The following HEG1 variants were observed in gnomAD, a reference collection of about 807,000 sequenced individuals.
HEG1 encodes heart development protein with EGF like domains 1.
HEG1 carries 56 observed loss-of-function variants against 125.6 expected under a neutral mutation model. The ratio of observed to expected loss-of-function variants is 0.45; its 90% CI spans 0.36 to 0.56. The LOEUF is 0.56. Ranked by LOEUF, HEG1 falls within the 20% of genes least tolerant of loss-of-function variation. The pLI, the probability that HEG1 is intolerant of heterozygous loss-of-function variation, is 0.00. For synonymous variants in HEG1, 644 were observed against 668.5 expected, an observed-to-expected ratio of 0.96 and a Z score of 0.57; for missense variants, 1,523 against 1,670.0, an observed-to-expected ratio of 0.91 and a Z score of 1.53.
In HEG1 at chr3:124,966,990, G is replaced by A. The variant is rs899637909; in HGVS notation, c.*3662C>T. ...TCCAAAGATGCTGCCTTCTCCCTTG[G>A]GCCCACTTTAAGAGTTACCTCTTTA... On this transcript the variant is annotated 3_prime_UTR_variant, in exon 17 of 17. Coordinates refer to ENST00000311127, the MANE Select transcript of HEG1 (RefSeq NM_020733.2). 11 of 152,118 alleles carry A rather than the reference G, an allele frequency of 7.2e-5. No homozygotes were observed. The highest frequency in any genetic ancestry group is 1.0e-4 in the Non-Finnish European group (7 of 68,034). 9.4% of individuals were successfully genotyped at this position (152,118 alleles called of 1,614,324 possible).
chr3:124,978,960 T>G (rs970515650), intron 14 of HEG1, among the ~76,000 whole-genome samples: 2 of 151,738 alleles, frequency 1.3e-5, no homozygotes, highest in East Asian at 3.8e-4. Context: ...TTTTTTCTTT[T>G]TTTTTCCGAG....
At chr3:125,006,325 C>T (rs139912411) in intron 8 of HEG1, among the ~76,000 whole-genome samples, 4 of 152,282 alleles carry the variant, frequency 2.6e-5, no homozygotes, top group African/African-American at 9.6e-5. Context: ...GCTGATTGAG[C>T]CTGAGGGGAA....
chr3:125,014,225 G>A (rs1001571696), intron 5 of HEG1, among the ~76,000 whole-genome samples: 2 of 152,100 alleles, frequency 1.3e-5, no homozygotes, highest in East Asian at 1.9e-4. Context: ...CAGTGGTAGC[G>A]GCAGTGGAAA....
intron 5 of HEG1, among the ~76,000 whole-genome samples, chr3:125,017,141 A>G (rs11925177): frequency 0.67 from 102,048 of 151,756 alleles, 34,850 homozygotes; most frequent in East Asian, 0.92. Flanking sequence ...TGCAACCTCC[A>G]CCTCACAGGT....
intron 1 of HEG1, among the ~76,000 whole-genome samples, chr3:125,033,103 A>G (rs1937515529): frequency 6.6e-6 from 1 of 152,258 alleles, no homozygotes; most frequent in African/African-American, 2.4e-5. Flanking sequence ...GTCCTGCAGT[A>G]TCCTCCATAA....
chr3:124,978,134 GT>G (rs1376314284), intron 14 of HEG1, among the ~76,000 whole-genome samples, 188 bp from the exon 15 acceptor site: 1 of 152,088 alleles, frequency 6.6e-6, no homozygotes, highest in South Asian at 2.1e-4. Flanking sequence ...ATTGAGAAGA[GT>G]TTTTTGTTGT....
chr3:125,000,938 C>G (rs1936990605), intron 11 of HEG1, among the ~76,000 whole-genome samples: 1 of 152,180 alleles, frequency 6.6e-6, no homozygotes, highest in Non-Finnish European at 1.5e-5. Flanking sequence ...GGGACAAGCC[C>G]CCTTTGCAAA....
chr3:125,013,594 G>GAGGAGGAGGAGGAAGAGA lies in HEG1; in HGVS notation c.1984_1985insTCTCTTCCTCCTCCTCCT (p.Ser661_Ser662insPheSerSerSerSerSer), dbSNP rs1176657143. ...AGAAGAAGAGGAGGAGGAGGAAGAG[G>GAGGAGGAGGAGGAAGAGA]AGGAGGAGGAGTCACTAACAAACTC... On this transcript the variant is annotated inframe_insertion, in exon 6 of 17. Coordinates refer to ENST00000311127, the MANE Select transcript of HEG1 (RefSeq NM_020733.2). 2 of 1,598,774 alleles carry GAGGAGGAGGAGGAAGAGA rather than the reference G, an allele frequency of 1.3e-6. No homozygotes were observed. The highest frequency in any genetic ancestry group is 3.5e-5 in the Admixed American group (2 of 56,412).
At chr3:125,003,477 C>T (rs530750759) in intron 9 of HEG1, among the ~76,000 whole-genome samples, 2 of 152,340 alleles carry the variant, frequency 1.3e-5, no homozygotes, top group Non-Finnish European at 2.9e-5. Flanking sequence ...AAGAATTTAA[C>T]CTTGGCCCCA....
intron 5 of HEG1, among the ~76,000 whole-genome samples, chr3:125,016,305 A>G (rs1045403431): frequency 5.3e-5 from 8 of 152,216 alleles, no homozygotes; most frequent in African/African-American, 1.9e-4. Flanking sequence ...ACTCTGAGGG[A>G]AAAAGATAAA....
intron 1 of HEG1, among the ~76,000 whole-genome samples, chr3:125,047,895 CTCT>C (rs1331752595): frequency 6.6e-6 from 1 of 152,216 alleles, no homozygotes; most frequent in Non-Finnish European, 1.5e-5. Context: ...GGCCTCTGCC[CTCT>C]TCTTGTCACT....
At chr3:125,040,065 A>T (rs1241676179) in intron 1 of HEG1, among the ~76,000 whole-genome samples, 1 of 152,218 alleles carries the variant, frequency 6.6e-6, no homozygotes, top group Non-Finnish European at 1.5e-5. Flanking sequence ...ATTTTTACGC[A>T]TAACGAAAAG....
intron 1 of HEG1, among the ~76,000 whole-genome samples, chr3:125,031,489 G>A (rs1027672108): frequency 3.9e-5 from 6 of 152,114 alleles, no homozygotes; most frequent in Admixed American, 1.3e-4. Flanking sequence ...TCCCCACTTG[G>A]AAATGTTATT....
chr3:125,043,513 C>T (rs950072739), intron 1 of HEG1, among the ~76,000 whole-genome samples: 10 of 152,060 alleles, frequency 6.6e-5, no homozygotes, highest in African/African-American at 2.4e-4. Context: ...AGGCTTTCTG[C>T]AGGGAGGAAA....
intron 15 of HEG1, 143 bp from the exon 16 acceptor site, chr3:124,974,048 T>C: frequency 1.6e-6 from 1 of 608,874 alleles, no homozygotes; most frequent in South Asian, 2.3e-5. Context: ...AGTATTATTA[T>C]TGTTGTTATT....
intron 11 of HEG1, among the ~76,000 whole-genome samples, chr3:125,000,168 G>A (rs1936981124): frequency 6.6e-6 from 1 of 152,176 alleles, no homozygotes; most frequent in Non-Finnish European, 1.5e-5. Context: ...GTTCTCACGG[G>A]CTCTGAAAGG....
chr3:125,019,660 A>C, intron 4 of HEG1, 63 bp from the exon 5 acceptor site: 1 of 1,315,014 alleles, frequency 7.6e-7, no homozygotes, highest in Non-Finnish European at 1.1e-6. Flanking sequence ...CTTGGCAACT[A>C]AGAAGTGAGA....
At chr3:125,020,492 G>T (rs1255655286) in intron 4 of HEG1, among the ~76,000 whole-genome samples, 2 of 152,092 alleles carry the variant, frequency 1.3e-5, no homozygotes, top group East Asian at 3.9e-4. Context: ...AGAGTGAAAA[G>T]AAGATGGAAC....
chr3:125,022,659 AAAC>A (rs1937352211), intron 3 of HEG1, among the ~76,000 whole-genome samples: 1 of 151,272 alleles, frequency 6.6e-6, no homozygotes, highest in Non-Finnish European at 1.5e-5. Context: ...AAACTAAACA[AAAC>A]AAACAAAACA....
Sources: gnomAD v4.1 joint callset for allele counts (sites outside exome capture counted in the v4.1 genomes callset) on GRCh38, gnomAD v4.1.1 for gene constraint, MANE v1.5 for transcripts, NCBI Gene and HGNC (gene_info 2026-07-23, HGNC 2026-07-21) for gene names.